The following PCDHGA10 variants were observed in gnomAD, a reference collection of about 807,000 sequenced individuals.
PCDHGA10 encodes protocadherin gamma subfamily A, 10.
PCDHGA10 carries 42 observed loss-of-function variants against 59.5 expected under a neutral mutation model. The ratio of observed to expected loss-of-function variants is 0.71; its 90% CI spans 0.55 to 0.91. The LOEUF (loss-of-function observed/expected upper bound fraction) is 0.91, where lower values mean the gene tolerates loss of function less well. Among genes scored for constraint, PCDHGA10 ranks in the 40% least tolerant of loss-of-function variants. The probability of loss-of-function intolerance (pLI) is 0.00; values close to 1 mark genes in which losing one functional copy is unlikely to be tolerated. For synonymous variants in PCDHGA10, 511 were observed against 517.2 expected (o/e 0.99, Z 0.16); for missense variants, 1,111 against 1,198.2 (o/e 0.93, Z 1.07).
Position 141,448,649 on chromosome 5 carries a change from T to C in PCDHGA10, c.2436+33038T>C, listed in dbSNP as rs181402439. 1.4e-3 allele frequency among the ~76,000 whole-genome samples: 218 copies of C among 152,220 alleles called. 1 individual carries two copies. Among genetic ancestry groups the C allele is most frequent in the African/African-American group, 5.0e-3 (206 of 41,530 alleles). On this transcript the variant is annotated intron_variant, in intron 1 of 3. Transcript: ENST00000398610. ...CTTCACATTATATCCTTTAAAAATA[T>C]TTCCATATTGGCCGGGCGCGGTGGC...
chr5:141,494,764 T>A (rs773955144), intron 1 of PCDHGA10, 43 bp from the exon 2 acceptor site: 1 of 1,613,932 alleles, frequency 6.2e-7, no homozygotes, highest in Non-Finnish European at 8.5e-7. Context: ...ACATTCTAAC[T>A]TCTCACGGGT....
intron 1 of PCDHGA10, 144 bp from the exon 2 acceptor site, chr5:141,494,663 G>A: frequency 6.7e-7 from 1 of 1,499,356 alleles, no homozygotes; most frequent in Non-Finnish European, 9.0e-7. Flanking sequence ...TGTCTTTGGA[G>A]ATGAGTCCAC....
intron 1 of PCDHGA10, chr5:141,433,007 C>T (rs550227016): frequency 1.2e-6 from 2 of 1,614,198 alleles, no homozygotes; most frequent in Admixed American, 3.3e-5. Context: ...GCAGGCTTTC[C>T]TGCAGACCTA....
intron 1 of PCDHGA10, chr5:141,479,712 C>T (rs1488849933): frequency 6.6e-6 from 1 of 152,216 alleles, no homozygotes; most frequent in Non-Finnish European, 1.5e-5. Flanking sequence ...CCCTGTCCTT[C>T]CAGCCTTATT....
intron 1 of PCDHGA10, among the ~76,000 whole-genome samples, chr5:141,462,868 T>C (rs1232965498): frequency 6.6e-6 from 1 of 152,228 alleles, no homozygotes; most frequent in East Asian, 1.9e-4. Context: ...TTTGTCTTTC[T>C]TTAAGAACTA....
At chr5:141,478,137 G>C (rs762316494) in intron 1 of PCDHGA10, 1 of 1,613,872 alleles carries the variant, frequency 6.2e-7, no homozygotes, top group South Asian at 1.1e-5. Context: ...CCTGAAGCCC[G>C]AGCCGAGTTC....
intron 1 of PCDHGA10, 33 bp from the exon 2 acceptor site, chr5:141,494,774 T>C (rs1462930792): frequency 6.2e-7 from 1 of 1,613,860 alleles, no homozygotes; most frequent in African/African-American, 1.3e-5. Flanking sequence ...TTCTCACGGG[T>C]ACTCAGCCCC....
In PCDHGA10 at chr5:141,471,102, G is replaced by A. The variant is rs922174682; in HGVS notation, c.2437-23705G>A. 3.4e-5 allele frequency among the ~76,000 whole-genome samples: 5 copies of A among 146,522 alleles called. No individual in the cohort carries two copies. The Admixed American group carries it at 3.5e-4, about 10-fold the overall frequency. On this transcript the variant is annotated intron_variant, in intron 1 of 3. Coordinates refer to ENST00000398610, the MANE Select transcript of PCDHGA10 (RefSeq NM_018913.3). ...CTCCCTCTGTTGTCCAGGCTAGAGTGCAGTGGTGCGATCTTACCTTCACTG... is the reference window on the plus strand; with the variant it reads ...CTCCCTCTGTTGTCCAGGCTAGAGTACAGTGGTGCGATCTTACCTTCACTG...
chr5:141,483,892 A>C (rs1463395859), intron 1 of PCDHGA10, among the ~76,000 whole-genome samples: 1 of 151,652 alleles, frequency 6.6e-6, no homozygotes, highest in Non-Finnish European at 1.5e-5. Flanking sequence ...TATTTCTCTG[A>C]GCTCTGGTGT....
chr5:141,478,118 G>A (rs1266841885), intron 1 of PCDHGA10: 1 of 1,613,930 alleles, frequency 6.2e-7, no homozygotes, highest in East Asian at 2.2e-5. Context: ...GTCAGTAACC[G>A]AGGACTCTCC....
chr5:141,477,532 C>A lies in PCDHGA10; in HGVS notation c.2437-17275C>A. 6.2e-7 allele frequency: 1 copy of A among 1,614,146 alleles called. No individual in the cohort carries two copies. The highest frequency in any genetic ancestry group is 8.5e-7 in the Non-Finnish European group (1 of 1,180,028). ...TTTACATTGAAGAAAACAACCTCCC[C>A]GGGGCTCCAATACTAAACCTAAGTG... On this transcript the variant is annotated intron_variant, in intron 1 of 3. Coordinates refer to ENST00000398610, the MANE Select transcript of PCDHGA10 (RefSeq NM_018913.3). The surrounding 1 kb of genome is among the most constrained non-coding windows in gnomAD (Gnocchi z 4.9).
At position 141,512,523 on chromosome 5, in the gene PCDHGA10, T is replaced by A. The variant is rs1222752176; in HGVS notation, c.*1350T>A. 6.5e-6 allele frequency: 1 copy of A among 152,848 alleles called. No homozygotes were observed. The highest frequency in any genetic ancestry group is 1.5e-5 in the Non-Finnish European group (1 of 68,240). 9.5% of individuals were successfully genotyped at this position (152,848 alleles called of 1,614,324 possible). A position where few individuals can be genotyped will look rare whatever the true frequency, so the allele number is the denominator to read the frequency against. The stretch of plus-strand genomic sequence containing the variant: ...AGTGCGCCCCCTAGTGGCCATAGCC[T>A]GGTTAAAGTTCCCCAGTGCCTCCTT... On this transcript the variant is annotated 3_prime_UTR_variant, in exon 4 of 4. Transcript: ENST00000398610.
intron 1 of PCDHGA10, among the ~76,000 whole-genome samples, chr5:141,438,788 A>G (rs1024095720): frequency 3.3e-5 from 5 of 149,742 alleles, no homozygotes; most frequent in Non-Finnish European, 7.4e-5. Flanking sequence ...CAGCCTCTCC[A>G]GTAGCTGGGA....
intron 1 of PCDHGA10, chr5:141,417,493 G>A (rs1463793261): frequency 4.7e-6 from 1 of 214,978 alleles, no homozygotes; most frequent in East Asian, 1.1e-4. Context: ...GAATCACTGA[G>A]GAAAAAGATT....
intron 1 of PCDHGA10, chr5:141,478,541 G>T (rs905837179): frequency 1.2e-6 from 2 of 1,605,590 alleles, no homozygotes; most frequent in Non-Finnish European, 1.7e-6. Flanking sequence ...CGCCCCTCCC[G>T]GACAGGTAAG....
At chr5:141,479,590 A>T (rs2099500448) in intron 1 of PCDHGA10, 1 of 152,182 alleles carries the variant, frequency 6.6e-6, no homozygotes, top group Non-Finnish European at 1.5e-5. Context: ...TAGCCACTGC[A>T]CTCCAGCCTA....
Position 141,511,015 on chromosome 5 carries a change from C to T in PCDHGA10, c.2653C>T (p.Pro885Ser), listed in dbSNP as rs1430257603. The T allele has an allele frequency of 1.2e-6, 2 of 1,614,106 alleles. No homozygotes were observed. The highest frequency in any genetic ancestry group is 1.3e-5 in the African/African-American group (1 of 74,936). The stretch of plus-strand genomic sequence containing the variant: ...CATGGGATTGAGCGCCCGCTACGGA[C>T]CCCAGTTCACCCTGCAGCACGTGCC... ...GTMGLSARYG[P>S]QFTLQHVPDY... Residue 885 changes from proline (P) to serine (S), a missense_variant, in exon 4 of 4, where the codon CCC (proline) becomes TCC (serine). Coordinates refer to ENST00000398610, the MANE Select transcript of PCDHGA10 (RefSeq NM_018913.3).
At chr5:141,509,720 A>G (rs916316577) in intron 3 of PCDHGA10, among the ~76,000 whole-genome samples, 6 of 151,974 alleles carry the variant, frequency 3.9e-5, no homozygotes, top group Admixed American at 3.3e-4. Context: ...GTCTGATGTC[A>G]CCTAGCTGTG....
rs1176011355 is a variant in PCDHGA10 at position 141,485,491 on chromosome 5, G to A, written c.2437-9316G>A. The A allele has an allele frequency of 1.2e-6, 2 of 1,614,142 alleles. No individual in the cohort carries two copies. Among genetic ancestry groups the A allele is most frequent in the Non-Finnish European group, 1.7e-6 (2 of 1,180,040 alleles). On this transcript the variant is annotated intron_variant, in intron 1 of 3. Transcript: ENST00000398610. This position sits in a 1 kb window ranked among gnomAD's most constrained non-coding sequence, Gnocchi z 5.7. ...TCAGTGCCAGCTGCATCGTGCCCCT[G>A]GAGTTTGTCACCGAAGGTCCTTTGG...
Sources: allele counts gnomAD v4.1 joint callset (sites outside exome capture counted in the v4.1 genomes callset), GRCh38; gene constraint gnomAD v4.1.1; non-coding constraint Gnocchi (gnomAD v3.1); transcripts MANE v1.5; gene names NCBI Gene and HGNC (gene_info 2026-07-23, HGNC 2026-07-21).